FOXP2: variants seen among roughly 807,000 people sequenced by gnomAD.
The protein encoded by FOXP2 is forkhead box protein P2.
FOXP2 carries 12 observed loss-of-function variants against 115.8 expected under a neutral mutation model. The ratio of observed to expected loss-of-function variants is 0.10; its 90% CI spans 0.07 to 0.17. FOXP2 has a LOEUF of 0.17. Among genes scored for constraint, FOXP2 ranks in the 10% least tolerant of loss-of-function variants. The pLI is 1.00. For missense variants in FOXP2, 629 were observed against 843.5 expected (o/e 0.75, Z 3.15); for synonymous variants, 328 against 297.7 (o/e 1.10, Z -1.05).
chr7:114,495,554 G>C (rs1797283282), intron 2 of FOXP2, among the ~76,000 whole-genome samples: 1 of 130,538 alleles, frequency 7.7e-6, no homozygotes, highest in Non-Finnish European at 1.5e-5. Flanking sequence ...TGCCCAGGCT[G>C]GAGTGCAATG....
chr7:114,508,914 A>G (rs17137063), intron 2 of FOXP2, among the ~76,000 whole-genome samples: 3,977 of 152,160 alleles, frequency 0.026, 172 homozygotes, highest in African/African-American at 0.088. Flanking sequence ...GGATGGAGGC[A>G]TGGCCAGGAC....
intron 3 of FOXP2, among the ~76,000 whole-genome samples, chr7:114,597,093 G>T (rs778421686): frequency 2.0e-4 from 30 of 152,040 alleles, no homozygotes; most frequent in Non-Finnish European, 3.1e-4. Flanking sequence ...CATTTTTTAT[G>T]ATGTAAATCA....
chr7:114,357,439 C>T (rs1488638464), intron 2 of FOXP2, among the ~76,000 whole-genome samples: 1 of 152,126 alleles, frequency 6.6e-6, no homozygotes, highest in East Asian at 1.9e-4. Context: ...TCAATGATGT[C>T]ATTGAGGATC....
At chr7:114,559,886 CT>C (rs200372206) in intron 3 of FOXP2, among the ~76,000 whole-genome samples, 3,491 of 47,024 alleles carry the variant, frequency 0.074, 147 homozygotes, top group African/African-American at 0.26. Flanking sequence ...AAGATTCCAT[CT>C]TAAAAAAAAA....
intron 1 of FOXP2, among the ~76,000 whole-genome samples, chr7:114,179,424 C>T (rs575483823): frequency 6.6e-6 from 1 of 152,034 alleles, no homozygotes; most frequent in South Asian, 2.1e-4. Context: ...CATACTATTT[C>T]CCACTCTTGT....
Position 114,644,721 on chromosome 7 carries a change from C to G in FOXP2, c.1026C>G (p.Leu342=). 6.2e-7 allele frequency: 1 copy of G among 1,613,882 alleles called. No homozygotes were observed. Among genetic ancestry groups the G allele is most frequent in the Non-Finnish European group, 8.5e-7 (1 of 1,179,926 alleles). ...AGGAGACTGGGGCCTCTCACACTCT[C>G]TATGGCCATGGAGTTTGCAAATGGC... is the stretch of plus-strand genomic sequence containing the variant. ...SHEETGASHT[L]YGHGVCKWPG... is the part of the protein sequence containing the mutation. The change falls in exon 8 of 17, where the codon CTC becomes CTG. Residue 342 remains leucine, a synonymous_variant. Coordinates refer to ENST00000350908, the MANE Select transcript of FOXP2 (RefSeq NM_014491.4).
chr7:114,452,200 T>C (rs932241610), intron 2 of FOXP2, among the ~76,000 whole-genome samples: 4 of 152,034 alleles, frequency 2.6e-5, no homozygotes, highest in African/African-American at 9.7e-5. Context: ...CATTTTTCCT[T>C]AAATGCGATA....
chr7:114,391,933 T>TA (rs1766942133), intron 2 of FOXP2, among the ~76,000 whole-genome samples: 1 of 152,186 alleles, frequency 6.6e-6, no homozygotes, highest in Non-Finnish European at 1.5e-5. Flanking sequence ...AGAACTCACA[T>TA]ATGTGGTGAT....
intron 1 of FOXP2, among the ~76,000 whole-genome samples, chr7:114,179,464 A>G (rs1477638418): frequency 1.3e-5 from 2 of 151,894 alleles, no homozygotes; most frequent in Non-Finnish European, 2.9e-5. Flanking sequence ...GTTTACTCCT[A>G]CATGCCTTGT....
intron 3 of FOXP2, among the ~76,000 whole-genome samples, chr7:114,610,611 T>C (rs1471472593): frequency 3.9e-5 from 6 of 152,186 alleles, no homozygotes; most frequent in South Asian, 4.1e-4. Context: ...GTAAACCTTA[T>C]TGAACACCAG....
chr7:114,557,387 T>G (rs57567301), intron 3 of FOXP2, among the ~76,000 whole-genome samples: 1 of 152,058 alleles, frequency 6.6e-6, no homozygotes, highest in Non-Finnish European at 1.5e-5. Flanking sequence ...TTCCATTAGA[T>G]GTAGTCTGAA....
At chr7:114,143,962 G>A (rs573360144) in intron 1 of FOXP2, among the ~76,000 whole-genome samples, 3 of 152,070 alleles carry the variant, frequency 2.0e-5, no homozygotes, top group South Asian at 4.1e-4. Flanking sequence ...TCTGATTTTA[G>A]GATGGTGCAG....
intron 2 of FOXP2, among the ~76,000 whole-genome samples, chr7:114,472,538 G>A (rs1796096516): frequency 6.6e-6 from 1 of 151,946 alleles, no homozygotes; most frequent in Non-Finnish European, 1.5e-5. Flanking sequence ...AGTAGAGACA[G>A]GGTTTCATCA....
At chr7:114,470,294 G>A (rs917003523) in intron 2 of FOXP2, among the ~76,000 whole-genome samples, 7 of 151,808 alleles carry the variant, frequency 4.6e-5, no homozygotes, top group East Asian at 1.9e-4. Context: ...GTTTTCCCCC[G>A]ACCCTCCCAA....
intron 1 of FOXP2, among the ~76,000 whole-genome samples, chr7:114,281,185 TC>T (rs1796328239): frequency 7.6e-6 from 1 of 131,062 alleles, no homozygotes; most frequent in Non-Finnish European, 1.6e-5. Flanking sequence ...CACTGCAACC[TC>T]CCCCTCCCGG....
chr7:114,536,882 A>C (rs886494495), intron 3 of FOXP2, among the ~76,000 whole-genome samples: 1 of 151,536 alleles, frequency 6.6e-6, no homozygotes, highest in Admixed American at 6.6e-5. Flanking sequence ...ACTGCAATTA[A>C]TAAAATGTGA....
intron 2 of FOXP2, among the ~76,000 whole-genome samples, chr7:114,390,522 G>GTATGTATGTATTTATTTATTTATT (rs1554382697): frequency 1.3e-5 from 2 of 148,264 alleles, no homozygotes; most frequent in African/African-American, 5.0e-5. Context: ...TTTTATTTAT[G>GTATGTATGTATTTATTTATTTATT]TATTTATTTA....
chr7:114,089,992 A>G (rs1799510558), intron 1 of FOXP2, among the ~76,000 whole-genome samples: 1 of 152,022 alleles, frequency 6.6e-6, no homozygotes, highest in Non-Finnish European at 1.5e-5. Flanking sequence ...TGTGAAGGAT[A>G]TAAAACTTAT....
Position 114,578,234 on chromosome 7 carries a change from G to A in FOXP2, c.258+43528G>A, listed in dbSNP as rs143903417. On this transcript the variant is annotated intron_variant, in intron 3 of 16. Coordinates refer to ENST00000350908, the MANE Select transcript of FOXP2 (RefSeq NM_014491.4). ...TGAGGCTGGAAAACATACTTTTTGC[G>A]TATCTACTCTTTTCTCCTTTTATAT... Among the ~76,000 whole-genome samples, 481 of 151,806 alleles carry A rather than the reference G, an allele frequency of 3.2e-3. 13 individuals are homozygous for A. The highest frequency in any genetic ancestry group is 0.025 in the Admixed American group (385 of 15,220).
Sources: allele counts gnomAD v4.1 joint callset (sites outside exome capture counted in the v4.1 genomes callset), GRCh38; gene constraint gnomAD v4.1.1; transcripts MANE v1.5; gene names NCBI Gene and HGNC (gene_info 2026-07-23, HGNC 2026-07-21).